The following SLC45A4 variants were observed in gnomAD, a reference collection of about 807,000 sequenced individuals.
The protein encoded by SLC45A4 is polyamine-transporter SLC45A4.
A neutral mutation model predicts 63.7 loss-of-function variants in SLC45A4; 32 were observed. That is an observed-to-expected ratio of 0.50 (90% CI 0.38 to 0.67). SLC45A4 has a LOEUF of 0.67. Ranked by LOEUF, SLC45A4 falls within the 30% of genes least tolerant of loss-of-function variation. SLC45A4 has a pLI of 0.00. For synonymous variants in SLC45A4, 535 were observed against 510.0 expected (o/e 1.05, Z -0.66); for missense variants, 1,027 against 1,157.7 (o/e 0.89, Z 1.64).
chr8:141,224,287 GCTTTT>G, intron 2 of SLC45A4: 2 of 152,296 alleles, frequency 1.3e-5, no homozygotes, highest in Middle Eastern at 6.8e-3. Flanking sequence ...CTTTACTGCT[GCTTTT>G]CAGCAGTTTG....
chr8:141,255,776 A>C (rs189770141), intron 1 of SLC45A4, among the ~76,000 whole-genome samples: 1 of 152,280 alleles, frequency 6.6e-6, no homozygotes, highest in African/African-American at 2.4e-5. Context: ...AATGAAAAGT[A>C]GGAGGCTGGG....
chr8:141,307,519 GAGGGGAAGAAGGGA>G (rs1374727463), intron 1 of SLC45A4, among the ~76,000 whole-genome samples: 14 of 149,298 alleles, frequency 9.4e-5, no homozygotes, highest in South Asian at 4.2e-4. Flanking sequence ...AGAGGGAAAG[GAGGGGAAGAAGGGA>G]AGGGGAAGAA....
intron 2 of SLC45A4, among the ~76,000 whole-genome samples, chr8:141,248,960 G>C (rs1828342583): frequency 6.7e-6 from 1 of 149,156 alleles, no homozygotes; most frequent in Non-Finnish European, 1.5e-5. Flanking sequence ...CATGGCTGCA[G>C]TAAGTTGTGA....
chr8:141,263,324 C>T (rs1450704115), intron 1 of SLC45A4, among the ~76,000 whole-genome samples: 5 of 150,520 alleles, frequency 3.3e-5, no homozygotes, highest in African/African-American at 7.4e-5. Context: ...TGTAACTAAC[C>T]GGCACATTGT....
chr8:141,218,551 G>T lies in SLC45A4; in HGVS notation c.1089C>A (p.Leu363=). 1 of 1,613,642 alleles carries T rather than the reference G, an allele frequency of 6.2e-7. No individual in the cohort carries two copies. ...KTKLPRLATF[L]KEAAKEDETL... ...TCTCGTCCTCCTTGGCGGCTTCCTT[G>T]AGGAAGGTGGCCAGGCGGGGCAGCT... Residue 363 remains leucine, a synonymous_variant, in exon 5 of 9, where the codon CTC becomes CTA. Transcript: ENST00000517878.
In SLC45A4 at chr8:141,307,889, T is replaced by C. The variant is rs1236558642; in HGVS notation, c.-401+207A>G. Among the ~76,000 whole-genome samples, 14 of 138,734 alleles carry C rather than the reference T, an allele frequency of 1.0e-4. No individual in the cohort carries two copies. In the East Asian group the frequency reaches 3.0e-3, roughly 29 times the overall value. The allele number at this position is 138,734 out of a possible 152,430, so 91.0% of individuals were successfully genotyped here. Reference sequence around the variant, plus strand: ...TCCGGAAAGAGGAGGCGGGAAGGAATTGGGGGGCCCTGAGGAGCCAGCGCA... The same window carrying C: ...TCCGGAAAGAGGAGGCGGGAAGGAACTGGGGGGCCCTGAGGAGCCAGCGCA... On this transcript the variant is annotated intron_variant, in intron 1 of 8. Transcript: ENST00000517878.
chr8:141,259,176 T>G (rs990950169), intron 1 of SLC45A4, among the ~76,000 whole-genome samples: 2 of 152,200 alleles, frequency 1.3e-5, no homozygotes, highest in African/African-American at 4.8e-5. Context: ...GACCAGCATC[T>G]GGGTGGGAAA....
chr8:141,254,199 C>G lies in SLC45A4; in HGVS notation c.31G>C (p.Glu11Gln). 1 of 1,535,236 alleles carries G rather than the reference C, an allele frequency of 6.5e-7. No individual in the cohort carries two copies. The highest frequency in any genetic ancestry group is 8.7e-7 in the Non-Finnish European group (1 of 1,146,192). MKMAPQNADP[E>Q]SMQVQELSVP... The stretch of plus-strand genomic sequence containing the variant: ...GATAACTCTTGAACTTGCATAGATT[C>G]CGGGTCGGCATTCTGCGGAGCCATT... The change falls in exon 2 of 9, where the codon GAA (glutamate) becomes CAA (glutamine). Residue 11 changes from glutamate to glutamine, a missense_variant. By Grantham distance (29) the Glu-to-Gln change is conservative. Coordinates refer to ENST00000517878, the MANE Select transcript of SLC45A4 (RefSeq NM_001286646.2). The surrounding 1 kb of genome is among the most constrained non-coding windows in gnomAD (Gnocchi z 4.5).
intron 2 of SLC45A4, among the ~76,000 whole-genome samples, chr8:141,244,775 T>G (rs1223982356): frequency 6.6e-6 from 1 of 151,946 alleles, no homozygotes; most frequent in African/African-American, 2.4e-5. Context: ...CCTGGAGTTG[T>G]CCAGTGTGAC....
chr8:141,217,223 C>G (rs747128874), intron 5 of SLC45A4, 34 bp from the exon 6 acceptor site: 1 of 1,603,194 alleles, frequency 6.2e-7, no homozygotes, highest in South Asian at 1.1e-5. Flanking sequence ...CTGACGAGGG[C>G]ATCTGCTGGG....
rs73713387 is a variant in SLC45A4, at chr8:141,228,787, C to T, written c.242-7022G>A. On this transcript the variant is annotated intron_variant, in intron 2 of 8. Coordinates refer to ENST00000517878, the MANE Select transcript of SLC45A4 (RefSeq NM_001286646.2). ...GTCAATCAGTTCCAGAAGCCAACAG[C>T]TACCCCAGGCCTTGGAAGAGAGAAA... 8.7e-3 allele frequency among the ~76,000 whole-genome samples: 1,326 copies of T among 152,334 alleles called. 16 individuals are homozygous for T. Among genetic ancestry groups the T allele is most frequent in the African/African-American group, 0.031 (1,276 of 41,572 alleles).
At chr8:141,267,392 C>T (rs1829315092) in intron 1 of SLC45A4, among the ~76,000 whole-genome samples, 1 of 152,272 alleles carries the variant, frequency 6.6e-6, no homozygotes, top group South Asian at 2.1e-4. Flanking sequence ...TACGGCTGTG[C>T]ACATGCGTGC....
At chr8:141,216,089 A>G (rs1826134442) in intron 6 of SLC45A4, 119 bp from the exon 7 acceptor site, 1 of 904,184 alleles carries the variant, frequency 1.1e-6, no homozygotes, top group African/African-American at 1.6e-5. Context: ...TTCCAGCTGA[A>G]CCCAGACCTG....
At chr8:141,272,102 C>T (rs538550091) in intron 1 of SLC45A4, among the ~76,000 whole-genome samples, 1 of 152,388 alleles carries the variant, frequency 6.6e-6, no homozygotes, top group Non-Finnish European at 1.5e-5. Context: ...AACACACAGG[C>T]ATGCTGAGCT....
At chr8:141,273,365 C>A (rs1234590828) in intron 1 of SLC45A4, among the ~76,000 whole-genome samples, 1 of 152,172 alleles carries the variant, frequency 6.6e-6, no homozygotes, top group Non-Finnish European at 1.5e-5. Flanking sequence ...TTCTAGCCTG[C>A]GCATCCCCTG....
At chr8:141,306,241 A>C (rs1830896039) in intron 1 of SLC45A4, among the ~76,000 whole-genome samples, 1 of 152,214 alleles carries the variant, frequency 6.6e-6, no homozygotes, top group Admixed American at 6.5e-5. Context: ...GGCCAAAAAA[A>C]CACACCTTTA....
chr8:141,301,784 C>A (rs1457927200), intron 1 of SLC45A4, among the ~76,000 whole-genome samples: 2 of 125,354 alleles, frequency 1.6e-5, no homozygotes, highest in East Asian at 4.4e-4. Context: ...TCAGTGAGAC[C>A]CCATCTCTGC....
chr8:141,245,439 G>A (rs544247324), intron 2 of SLC45A4, among the ~76,000 whole-genome samples: 69 of 152,272 alleles, frequency 4.5e-4, no homozygotes, highest in African/African-American at 1.6e-3. Flanking sequence ...ATCACTCAAC[G>A]AACAATGGGC....
rs149956936 is a variant in SLC45A4, at chr8:141,221,716, A to G, written c.291T>C (p.Leu97=). ...CAATGAGAGGTGTGAAGATGAGGCCAAGGATGGGGCTCAGGAACCAGGTGA... is the reference window on the plus strand; with the variant it reads ...CAATGAGAGGTGTGAAGATGAGGCCGAGGATGGGGCTCAGGAACCAGGTGA... The part of the protein sequence containing the change: ...YSLTWFLSPI[L]GLIFTPLIGS... The change falls in exon 3 of 9, where the codon CTT becomes CTC. Residue 97 remains leucine (L), a synonymous_variant. Transcript: ENST00000517878. The G allele has an allele frequency of 1.9e-6, 3 of 1,614,084 alleles. No individual in the cohort carries two copies. The highest frequency in any genetic ancestry group is 1.7e-4 in the Middle Eastern group (1 of 6,058).
Sources: gnomAD v4.1 joint callset for allele counts (sites outside exome capture counted in the v4.1 genomes callset) on GRCh38, gnomAD v4.1.1 for gene constraint, Gnocchi (gnomAD v3.1) non-coding constraint, MANE v1.5 for transcripts, NCBI Gene and HGNC (gene_info 2026-07-23, HGNC 2026-07-21) for gene names.